The following RIN2 variants were observed in gnomAD, a reference collection of about 807,000 sequenced individuals.
RIN2 encodes Ras and Rab interactor 2.
In RIN2, 36 loss-of-function variants were observed where a neutral mutation model predicts 78.0. The observed-to-expected ratio is 0.46, with a 90% confidence interval of 0.35 to 0.61. RIN2 has a LOEUF of 0.61. Among genes scored for constraint, RIN2 ranks in the 20% least tolerant of loss-of-function variants. The pLI, the probability that RIN2 is intolerant of heterozygous loss-of-function variation, is 0.00. For synonymous variants in RIN2, 466 were observed against 466.8 expected, an observed-to-expected ratio of 1.00 and a Z score of 0.02; for missense variants, 1,087 against 1,159.7, an observed-to-expected ratio of 0.94 and a Z score of 0.91.
intron 2 of RIN2, among the ~76,000 whole-genome samples, chr20:19,812,759 C>A (rs1033759949): frequency 6.6e-6 from 1 of 152,222 alleles, no homozygotes; most frequent in Non-Finnish European, 1.5e-5. Context: ...AGAGCAAGAT[C>A]AGACTTTCAA....
chr20:19,923,460 AAAATAAAAT>A (rs200144603), intron 3 of RIN2, among the ~76,000 whole-genome samples: 16,444 of 128,982 alleles, frequency 0.13, 1,215 homozygotes, highest in East Asian at 0.21. Flanking sequence ...AAAATAAAAT[AAAATAAAAT>A]AAATAAAATA....
At chr20:19,850,837 G>T (rs1465275552) in intron 2 of RIN2, among the ~76,000 whole-genome samples, 1 of 152,128 alleles carries the variant, frequency 6.6e-6, no homozygotes, top group Non-Finnish European at 1.5e-5. Context: ...AGCCTGGCAT[G>T]TTGGCACATG....
chr20:19,989,587 T>A (rs1393354084), intron 9 of RIN2, among the ~76,000 whole-genome samples: 1 of 152,200 alleles, frequency 6.6e-6, no homozygotes, highest in Non-Finnish European at 1.5e-5. Flanking sequence ...TCAGAAAATA[T>A]TCTAAGAGAT....
Position 19,802,146 on chromosome 20 carries a change from C to G in RIN2, c.-37+2399C>G, listed in dbSNP as rs148669402. On this transcript the variant is annotated intron_variant, in intron 2 of 12. Transcript: ENST00000255006. ...ATTTAATCATCACGACAGCCCTATA[C>G]AGGTGGGATTGTTATTATTCTCATT... 4.0e-4 allele frequency among the ~76,000 whole-genome samples: 61 copies of G among 152,268 alleles called. No homozygotes were observed. The East Asian group carries it at 0.01, about 26-fold the overall frequency.
rs1427661926 is a variant in RIN2 at position 19,833,373 on chromosome 20, GCTGAACGTATTGA to G, written c.-37+33629_-37+33641del. Among the ~76,000 whole-genome samples, 8 of 152,166 alleles carry G rather than the reference GCTGAACGTATTGA, an allele frequency of 5.3e-5. No homozygotes were observed. The East Asian group carries it at 1.5e-3, about 29-fold the overall frequency. On this transcript the variant is annotated intron_variant, in intron 2 of 12. Coordinates refer to ENST00000255006, the MANE Select transcript of RIN2 (RefSeq NM_018993.4). ...AGGTATACGTGTGCCATGGTGGTTT[GCTGAACGTATTGA>G]CTCATCCTTTATGTTTCCTCCCCTC...
In RIN2 at chr20:19,975,434, A is replaced by G; in HGVS notation, c.1409A>G (p.Gln470Arg). 1 of 1,614,056 alleles carries G rather than the reference A, an allele frequency of 6.2e-7. No individual in the cohort carries two copies. Among genetic ancestry groups the G allele is most frequent in the Non-Finnish European group, 8.5e-7 (1 of 1,179,894 alleles). Reference sequence around the variant, plus strand: ...GAGGACTACGAGGGGGAAAGTGACCAAGAGACCATGGCGCCCCCCATCAAG... The same window carrying G: ...GAGGACTACGAGGGGGAAAGTGACCGAGAGACCATGGCGCCCCCCATCAAG... Reference protein sequence around the residue: ...SLEDYEGESDQETMAPPIKSK... With the variant: ...SLEDYEGESDRETMAPPIKSK... Residue 470 changes from glutamine to arginine, a missense_variant, in exon 9 of 13, where the codon CAA becomes CGA. Physicochemically the swap from Gln to Arg is conservative, Grantham distance 43. Coordinates refer to ENST00000255006, the MANE Select transcript of RIN2 (RefSeq NM_018993.4). The surrounding 1 kb of genome is among the most constrained non-coding windows in gnomAD (Gnocchi z 4.9).
At chr20:19,960,875 A>C in intron 6 of RIN2, 64 bp downstream of exon 6, 1 of 1,007,662 alleles carries the variant, frequency 9.9e-7, no homozygotes, top group South Asian at 1.5e-5. Context: ...AGGGAGTGGA[A>C]ATGGAAGGAG....
At chr20:19,995,692 G>T (rs575423648) in intron 11 of RIN2, among the ~76,000 whole-genome samples, 7 of 152,118 alleles carry the variant, frequency 4.6e-5, no homozygotes, top group East Asian at 3.9e-4. Flanking sequence ...AGGAAGGGGG[G>T]GGTAAGAAAG....
intron 2 of RIN2, among the ~76,000 whole-genome samples, chr20:19,839,954 G>A (rs911644500): frequency 6.6e-6 from 1 of 152,194 alleles, no homozygotes; most frequent in Admixed American, 6.5e-5. Flanking sequence ...GAATTTGAAA[G>A]AGTAGCTATT....
intron 2 of RIN2, among the ~76,000 whole-genome samples, chr20:19,842,519 G>A (rs952317649): frequency 2.7e-5 from 4 of 150,498 alleles, no homozygotes; most frequent in Non-Finnish European, 5.9e-5. Flanking sequence ...TGGGATTACA[G>A]GCGTAAGCCA....
At chr20:19,948,456 G>A (rs1030341363) in intron 4 of RIN2, among the ~76,000 whole-genome samples, 3 of 152,022 alleles carry the variant, frequency 2.0e-5, no homozygotes, top group Non-Finnish European at 2.9e-5. Context: ...GTGCAGTGGC[G>A]TGATCTCGGC....
intron 2 of RIN2, among the ~76,000 whole-genome samples, chr20:19,875,998 G>A (rs1029425275): frequency 6.6e-6 from 1 of 152,194 alleles, no homozygotes; most frequent in Non-Finnish European, 1.5e-5. Context: ...TCCCTCTGAG[G>A]CTTTGAGCCT....
At chr20:19,757,903 G>GTT (rs1232088258), upstream of RIN2, 1 of 152,456 alleles carries the variant, frequency 6.6e-6, no homozygotes, top group Non-Finnish European at 1.5e-5. Flanking sequence ...TCTGATGGCA[G>GTT]TTTTTCCTGG....
intron 4 of RIN2, among the ~76,000 whole-genome samples, chr20:19,937,778 T>G (rs1348417392): frequency 1.3e-5 from 2 of 152,202 alleles, no homozygotes; most frequent in Non-Finnish European, 2.9e-5. Flanking sequence ...GGTGCTTCTG[T>G]TTTACATGTG....
chr20:19,835,101 A>G (rs6136856), intron 2 of RIN2, among the ~76,000 whole-genome samples: 3 of 20,602 alleles, frequency 1.5e-4, no homozygotes, highest in Non-Finnish European at 5.9e-4. Context: ...AAGAAAGAAG[A>G]AAGAAAGAAA....
chr20:19,995,272 A>AAC (rs1468592140), intron 11 of RIN2, among the ~76,000 whole-genome samples: 2 of 151,332 alleles, frequency 1.3e-5, no homozygotes, highest in African/African-American at 4.9e-5. Context: ...AAAAAAAAAA[A>AAC]AAAAAACAAA....
intron 2 of RIN2, among the ~76,000 whole-genome samples, chr20:19,824,905 A>G (rs1233370933): frequency 1.3e-5 from 2 of 152,090 alleles, no homozygotes; most frequent in African/African-American, 4.8e-5. Context: ...TCCTCTAGCC[A>G]TGGTGGGAGT....
chr20:19,771,381 T>C (rs892380750), intron 1 of RIN2, among the ~76,000 whole-genome samples: 1 of 152,236 alleles, frequency 6.6e-6, no homozygotes, highest in Non-Finnish European at 1.5e-5. Flanking sequence ...AGACCAGGTA[T>C]ATGTTTCATA....
intron 2 of RIN2, among the ~76,000 whole-genome samples, chr20:19,876,153 A>G (rs550704070): frequency 6.6e-5 from 10 of 152,364 alleles, no homozygotes; most frequent in East Asian, 3.9e-4. Context: ...ATTTCTGAGT[A>G]TAGGAAAAGA....
Sources: gnomAD v4.1 joint callset for allele counts (sites outside exome capture counted in the v4.1 genomes callset) on GRCh38, gnomAD v4.1.1 for gene constraint, Gnocchi (gnomAD v3.1) non-coding constraint, MANE v1.5 for transcripts, NCBI Gene and HGNC (gene_info 2026-07-23, HGNC 2026-07-21) for gene names.